Variants in ZNF536 observed in about 807,000 individuals in gnomAD.
ZNF536 encodes the protein zinc finger protein 536.
In ZNF536, 13 loss-of-function variants were observed where a neutral mutation model predicts 84.5. The observed-to-expected ratio is 0.15, with a 90% CI of 0.10 to 0.24. The LOEUF is 0.24. Among genes scored for constraint, ZNF536 ranks in the 10% least tolerant of loss-of-function variants. ZNF536 has a pLI of 1.00. For missense variants in ZNF536, 1,536 were observed against 1,747.5 expected (o/e 0.88, Z 2.16); for synonymous variants, 811 against 742.5 (o/e 1.09, Z -1.50).
chr19:30,632,752 C>T (rs1370899328), intron 1 of ZNF536, among the ~76,000 whole-genome samples: 1 of 152,166 alleles, frequency 6.6e-6, no homozygotes, highest in African/African-American at 2.4e-5. Flanking sequence ...TTGTGACAAG[C>T]AGTTTGATGT....
intron 2 of ZNF536, among the ~76,000 whole-genome samples, chr19:30,301,436 T>C (rs1568315936): frequency 6.6e-6 from 1 of 152,168 alleles, no homozygotes; most frequent in Non-Finnish European, 1.5e-5. Context: ...CTGTTATCAC[T>C]CTGGGTAACT....
chr19:30,327,817 G>A (rs1299829986), intron 2 of ZNF536, among the ~76,000 whole-genome samples: 4 of 152,210 alleles, frequency 2.6e-5, no homozygotes, highest in Middle Eastern at 3.2e-3. Flanking sequence ...CTGTGGAATT[G>A]TTATCCTTTG....
At chr19:30,687,856 A>T (rs557617231) in intron 1 of ZNF536, among the ~76,000 whole-genome samples, 51 of 152,138 alleles carry the variant, frequency 3.4e-4, no homozygotes, top group African/African-American at 1.1e-3. Flanking sequence ...AAAAACTTTT[A>T]TTTGCATGAT....
At chr19:30,568,176 A>G (rs764240444) in intron 1 of ZNF536, among the ~76,000 whole-genome samples, 19 of 152,198 alleles carry the variant, frequency 1.2e-4, no homozygotes, top group Non-Finnish European at 2.6e-4. Context: ...TTGTGCAGAC[A>G]GTAGGTAGCA....
upstream of ZNF536, among the ~76,000 whole-genome samples, chr19:30,227,693 G>A (rs1260805268): frequency 6.6e-6 from 1 of 151,640 alleles, no homozygotes; most frequent in East Asian, 1.9e-4. Context: ...CGGAGTGAGC[G>A]AGCGCGCGGT....
intron 2 of ZNF536, among the ~76,000 whole-genome samples, chr19:30,343,084 G>A (rs535270889): frequency 4.6e-5 from 7 of 152,220 alleles, no homozygotes; most frequent in South Asian, 2.1e-4. Context: ...CCCTCGGCCC[G>A]GTGGGGACAG....
At chr19:30,587,631 C>T (rs1032008113) in intron 1 of ZNF536, among the ~76,000 whole-genome samples, 6 of 152,214 alleles carry the variant, frequency 3.9e-5, no homozygotes, top group African/African-American at 1.4e-4. Context: ...AACTATTGAT[C>T]TTCAGCCTCC....
chr19:30,466,032 G>A (rs1000502088), intron 2 of ZNF536, among the ~76,000 whole-genome samples: 2 of 152,140 alleles, frequency 1.3e-5, no homozygotes, highest in East Asian at 1.9e-4. Flanking sequence ...TTACAGGCAT[G>A]AGCCACCGTG....
At chr19:30,586,601 C>A (rs2047104651) in intron 1 of ZNF536, among the ~76,000 whole-genome samples, 1 of 152,160 alleles carries the variant, frequency 6.6e-6, no homozygotes, top group Admixed American at 6.5e-5. Context: ...TTTAAAAAGG[C>A]TCTCCTGGCC....
intron 1 of ZNF536, among the ~76,000 whole-genome samples, chr19:30,682,340 G>T (rs1451829397): frequency 2.6e-5 from 4 of 152,152 alleles, no homozygotes; most frequent in Non-Finnish European, 2.9e-5. Context: ...TAAGAGACAT[G>T]ATGAGATGTA....
upstream of ZNF536, among the ~76,000 whole-genome samples, chr19:30,367,943 T>C (rs941706390): frequency 6.6e-6 from 1 of 152,170 alleles, no homozygotes; most frequent in Non-Finnish European, 1.5e-5. Flanking sequence ...GCACAGCATT[T>C]TCTCATACTT....
At chr19:30,452,774 G>A (rs1309789694) in intron 2 of ZNF536, among the ~76,000 whole-genome samples, 2 of 152,082 alleles carry the variant, frequency 1.3e-5, no homozygotes, top group Non-Finnish European at 2.9e-5. Flanking sequence ...GATTGGACTG[G>A]AACCTTTGCC....
At chr19:30,281,514 G>GGTTTCT (rs34742314) in intron 1 of ZNF536, among the ~76,000 whole-genome samples, 68,782 of 151,622 alleles carry the variant, frequency 0.45, 15,981 homozygotes, top group Non-Finnish European at 0.48. Context: ...CACGATGGGT[G>GGTTTCT]GTATCTGATG....
intron 1 of ZNF536, among the ~76,000 whole-genome samples, chr19:30,586,961 A>T (rs2047115994): frequency 6.6e-6 from 1 of 152,244 alleles, no homozygotes; most frequent in South Asian, 2.1e-4. Flanking sequence ...CAGTGATATA[A>T]ATCAGTACTT....
intron 2 of ZNF536, among the ~76,000 whole-genome samples, chr19:30,490,380 A>G (rs1056761912): frequency 6.6e-6 from 1 of 152,118 alleles, no homozygotes; most frequent in African/African-American, 2.4e-5. Flanking sequence ...AGACCCTTTC[A>G]TCTCCAGGAG....
intron 2 of ZNF536, among the ~76,000 whole-genome samples, chr19:30,529,734 CA>C (rs2044730143): frequency 6.6e-6 from 1 of 152,166 alleles, no homozygotes; most frequent in African/African-American, 2.4e-5. Flanking sequence ...TTTTCTTTAG[CA>C]AGTCACTTTC....
intron 1 of ZNF536, among the ~76,000 whole-genome samples, chr19:30,430,540 A>G (rs931498440): frequency 4.6e-5 from 7 of 152,168 alleles, no homozygotes; most frequent in African/African-American, 4.8e-5. Context: ...CCGGGACCTG[A>G]CATATCAGGG....
intron 1 of ZNF536, among the ~76,000 whole-genome samples, chr19:30,281,409 C>T (rs1038686414): frequency 6.6e-6 from 1 of 152,212 alleles, no homozygotes; most frequent in African/African-American, 2.4e-5. Flanking sequence ...CCACCAGGGC[C>T]CTGCCTGCAC....
intron 1 of ZNF536, among the ~76,000 whole-genome samples, chr19:30,628,619 C>T (rs949027784): frequency 9.2e-5 from 14 of 151,914 alleles, no homozygotes; most frequent in South Asian, 4.2e-4. Context: ...TTAGTAGAGT[C>T]GGGGTTTCAC....
Sources: gnomAD v4.1 joint callset for allele counts (sites outside exome capture counted in the v4.1 genomes callset) on GRCh38, gnomAD v4.1.1 for gene constraint, MANE v1.5 for transcripts, NCBI Gene and HGNC (gene_info 2026-07-23, HGNC 2026-07-21) for gene names.